Variants in CD5 observed in about 807,000 individuals in gnomAD.
CD5 encodes the protein T-cell surface glycoprotein CD5.
In CD5, 36 loss-of-function variants were observed where a neutral mutation model predicts 60.3. That is an observed-to-expected ratio of 0.60 (90% CI 0.46 to 0.79). CD5 has a LOEUF of 0.79. CD5 is among the 30% of genes least tolerant of loss of function. CD5 has a pLI of 0.00. For missense variants in CD5, 540 were observed against 630.6 expected, an observed-to-expected ratio of 0.86 and a Z score of 1.54; for synonymous variants, 230 against 257.6, an observed-to-expected ratio of 0.89 and a Z score of 1.03.
chr11:61,124,400 A>G (rs186864710), intron 8 of CD5, among the ~76,000 whole-genome samples: 1 of 152,286 alleles, frequency 6.6e-6, no homozygotes, highest in African/African-American at 2.4e-5. Context: ...TGTATTGCCC[A>G]TCTCCAAAGC....
At chr11:61,113,011 T>G (rs951526393) in intron 1 of CD5, among the ~76,000 whole-genome samples, 2 of 152,224 alleles carry the variant, frequency 1.3e-5, no homozygotes, top group African/African-American at 2.4e-5. Flanking sequence ...TTGGCTCAAG[T>G]GATCTTCCTG....
At chr11:61,095,172 T>C in the CD5 span, among the ~76,000 whole-genome samples, 1 of 151,892 alleles carries the variant, frequency 6.6e-6, no homozygotes, top group Non-Finnish European at 1.5e-5. Context: ...GGCTCCCCAC[T>C]CCTGAGCCCA....
chr11:61,114,971 T>C, intron 1 of CD5, 85 bp from the exon 2 acceptor site: 1 of 1,313,886 alleles, frequency 7.6e-7, no homozygotes, highest in South Asian at 1.3e-5. Flanking sequence ...GAAAGGGCCA[T>C]TGCTCGGGCT....
chr11:61,121,584 C>T (rs368052557), intron 5 of CD5, 27 bp from the exon 6 acceptor site: 2 of 1,442,130 alleles, frequency 1.4e-6, no homozygotes, highest in African/African-American at 2.9e-5. Context: ...CACTTGCACC[C>T]TCCTTTCCCA....
chr11:61,103,198 G>A (rs939504312), intron 1 of CD5, among the ~76,000 whole-genome samples: 7 of 152,214 alleles, frequency 4.6e-5, no homozygotes, highest in African/African-American at 1.2e-4. Context: ...CAGCCAGGCC[G>A]GCTGGGATGA....
At chr11:61,121,940 TTAC>T (rs1438861353) in intron 6 of CD5, 36 bp downstream of exon 6, 4 of 1,491,364 alleles carry the variant, frequency 2.7e-6, no homozygotes, top group Non-Finnish European at 2.7e-6. Flanking sequence ...GTGGAAGCAG[TTAC>T]TACTTTACCT....
chr11:61,125,882 C>A (rs1861142979), intron 10 of CD5, 41 bp downstream of exon 10: 5 of 1,447,576 alleles, frequency 3.5e-6, no homozygotes, highest in East Asian at 2.4e-5. Context: ...CCCAGGGTCC[C>A]CCACAGTCCT....
intron 1 of CD5, among the ~76,000 whole-genome samples, chr11:61,114,511 C>T (rs1860908653): frequency 2.0e-5 from 3 of 152,116 alleles, no homozygotes; most frequent in Admixed American, 6.5e-5. Flanking sequence ...CATAGTGGCT[C>T]ATGCCTGTAA....
At chr11:61,109,850 G>A (rs555346306) in intron 1 of CD5, among the ~76,000 whole-genome samples, 20 of 152,300 alleles carry the variant, frequency 1.3e-4, no homozygotes, top group Admixed American at 1.3e-4. Flanking sequence ...AGAAGGAAGG[G>A]GTCTTCAGAG....
chr11:61,111,517 G>A (rs11230597), intron 1 of CD5, among the ~76,000 whole-genome samples: 4,897 of 152,240 alleles, frequency 0.032, 266 homozygotes, highest in African/African-American at 0.11. Flanking sequence ...ATGATGACTC[G>A]GGAAATAGAG....
At chr11:61,117,139 CA>C (rs1385965915) in intron 2 of CD5, among the ~76,000 whole-genome samples, 4 of 152,166 alleles carry the variant, frequency 2.6e-5, no homozygotes, top group African/African-American at 7.2e-5. Context: ...TATCATTCGG[CA>C]ATAAAAAGGA....
upstream of CD5, among the ~76,000 whole-genome samples, chr11:61,098,192 AG>A (rs1202436165): frequency 6.6e-6 from 1 of 152,232 alleles, no homozygotes; most frequent in Non-Finnish European, 1.5e-5. Context: ...TAATAGTAAT[AG>A]GAACCTGCTT....
At chr11:61,104,078 G>A (rs1279551677) in intron 1 of CD5, among the ~76,000 whole-genome samples, 1 of 148,330 alleles carries the variant, frequency 6.7e-6, no homozygotes, top group Non-Finnish European at 1.5e-5. Context: ...GAGTCTGTGT[G>A]TGAGTCTCTG....
At chr11:61,124,883 G>T in intron 8 of CD5, 149 bp from the exon 9 acceptor site, 1 of 809,662 alleles carries the variant, frequency 1.2e-6, no homozygotes, top group Non-Finnish European at 1.9e-6. Flanking sequence ...GAAGAAAGGA[G>T]AGGGGGATGC....
upstream of CD5, among the ~76,000 whole-genome samples, chr11:61,099,409 T>TCACA (rs111843769): frequency 0.042 from 5,360 of 127,882 alleles, 459 homozygotes; most frequent in African/African-American, 0.068. Context: ...AACATGGAAA[T>TCACA]CACACACATC....
In CD5 at chr11:61,119,284, G is replaced by A. The variant is rs776820706; in HGVS notation, c.514G>A (p.Gly172Ser). The change falls in exon 5 of 11, where the codon GGC (glycine) becomes AGC (serine). Residue 172 changes from glycine (G) to serine (S), a missense_variant. Coordinates refer to ENST00000347785, the MANE Select transcript of CD5 (RefSeq NM_014207.4). The part of the protein sequence containing the change: ...VAQSGGQHCA[G>S]VVEFYSGSLG... ...ACAGTCTGGCGGCCAGCACTGTGCCGGCGTGGTGGAGTTCTACAGCGGCAG... is the reference window on the plus strand; with the variant it reads ...ACAGTCTGGCGGCCAGCACTGTGCCAGCGTGGTGGAGTTCTACAGCGGCAG... 6.2e-6 allele frequency: 10 copies of A among 1,613,432 alleles called. No individual in the cohort carries two copies. Among genetic ancestry groups the A allele is most frequent in the East Asian group, 2.2e-5 (1 of 44,868 alleles).
At chr11:61,116,531 ACC>A (rs1464396372) in intron 2 of CD5, among the ~76,000 whole-genome samples, 1 of 76,908 alleles carries the variant, frequency 1.3e-5, no homozygotes. Context: ...CCACACACAC[ACC>A]CCACACCACA....
chr11:61,100,361 C>A (rs1195992939), upstream of CD5, among the ~76,000 whole-genome samples: 1 of 143,606 alleles, frequency 7.0e-6, no homozygotes, highest in South Asian at 2.3e-4. Flanking sequence ...GGAGATCACT[C>A]ACACACATCA....
chr11:61,123,631 C>T (rs1287360374), intron 7 of CD5, among the ~76,000 whole-genome samples: 5 of 152,148 alleles, frequency 3.3e-5, no homozygotes, highest in Admixed American at 6.5e-5. Flanking sequence ...GGTCTTTTCT[C>T]CTGGGGAGCC....
Sources: allele counts gnomAD v4.1 joint callset (sites outside exome capture counted in the v4.1 genomes callset), GRCh38; gene constraint gnomAD v4.1.1; transcripts MANE v1.5; gene names NCBI Gene and HGNC (gene_info 2026-07-23, HGNC 2026-07-21).